Variants in PDZRN3 observed in about 807,000 individuals in gnomAD.
The protein encoded by PDZRN3 is E3 ubiquitin-protein ligase PDZRN3.
Under a neutral mutation model 85.7 loss-of-function variants are expected in PDZRN3, and 38 were observed. The observed-to-expected ratio is 0.44, with a 90% CI of 0.34 to 0.58. The LOEUF (loss-of-function observed/expected upper bound fraction) is 0.58. Among genes scored for constraint, PDZRN3 ranks in the 20% least tolerant of loss-of-function variants. The probability of loss-of-function intolerance (pLI) is 0.01; values close to 1 mark genes in which losing one functional copy is unlikely to be tolerated. For missense variants in PDZRN3, 1,629 were observed against 1,506.4 expected (o/e 1.08, Z -1.35); for synonymous variants, 759 against 638.0 (o/e 1.19, Z -2.86).
chr3:73,481,057 T>G (rs1009873552), intron 3 of PDZRN3, among the ~76,000 whole-genome samples: 3 of 152,326 alleles, frequency 2.0e-5, no homozygotes, highest in South Asian at 4.2e-4. Flanking sequence ...ACAGTCATGT[T>G]TAGTAAATGG....
chr3:73,495,089 G>A (rs992612095), intron 3 of PDZRN3, among the ~76,000 whole-genome samples: 3 of 152,040 alleles, frequency 2.0e-5, no homozygotes, highest in Non-Finnish European at 2.9e-5. Flanking sequence ...GTGGGTGACG[G>A]GATCAAGCAT....
chr3:73,598,550 G>C (rs796379622), intron 3 of PDZRN3, among the ~76,000 whole-genome samples: 3 of 152,234 alleles, frequency 2.0e-5, no homozygotes, highest in African/African-American at 7.2e-5. Flanking sequence ...ATGTGAGATG[G>C]AATAGGTATG....
At chr3:73,461,567 T>C (rs1703104248) in intron 3 of PDZRN3, among the ~76,000 whole-genome samples, 1 of 152,228 alleles carries the variant, frequency 6.6e-6, no homozygotes, top group Non-Finnish European at 1.5e-5. Flanking sequence ...CATCTCCCCA[T>C]CCTCACCCTA....
chr3:73,402,097 G>A (rs964429016), intron 4 of PDZRN3, among the ~76,000 whole-genome samples: 6 of 152,164 alleles, frequency 3.9e-5, no homozygotes, highest in Admixed American at 1.3e-4. Context: ...CCCGACACAC[G>A]CTCTTGCTGT....
intron 3 of PDZRN3, among the ~76,000 whole-genome samples, chr3:73,566,642 G>C (rs1203224585): frequency 6.6e-6 from 1 of 152,090 alleles, no homozygotes; most frequent in Non-Finnish European, 1.5e-5. Context: ...CTCAGAGAAA[G>C]TGCATAAATC....
intron 5 of PDZRN3, among the ~76,000 whole-genome samples, chr3:73,395,962 C>T (rs1559654635): frequency 6.6e-6 from 1 of 152,128 alleles, no homozygotes; most frequent in Non-Finnish European, 1.5e-5. Context: ...GTGGCTCATA[C>T]CTGTAATCCC....
In PDZRN3 at chr3:73,391,045, T is replaced by C. The variant is rs768477427; in HGVS notation, c.1326A>G (p.Glu442=). The change falls in exon 6 of 10, where the codon GAA becomes GAG. Residue 442 remains glutamate, a synonymous_variant. Coordinates refer to ENST00000263666, the MANE Select transcript of PDZRN3 (RefSeq NM_015009.3). The part of the protein sequence containing the change: ...GLTVCYRTDD[E]DDIGIYISEI... ...CACTGATATAAATCCCAATGTCGTC[T>C]TCATCGTCCGTCCGGTAGCACACAG... 2 of 1,613,574 alleles carry C rather than the reference T, an allele frequency of 1.2e-6. No homozygotes were observed. Among genetic ancestry groups the C allele is most frequent in the Non-Finnish European group, 1.7e-6 (2 of 1,179,514 alleles).
intron 3 of PDZRN3, among the ~76,000 whole-genome samples, chr3:73,573,949 G>A (rs1397340382): frequency 6.6e-6 from 1 of 152,134 alleles, no homozygotes; most frequent in African/African-American, 2.4e-5. Flanking sequence ...TCCCATTCAA[G>A]ATAAGCTGGC....
At chr3:73,605,296 A>G (rs1246188739) in intron 2 of PDZRN3, among the ~76,000 whole-genome samples, 1 of 152,204 alleles carries the variant, frequency 6.6e-6, no homozygotes, top group South Asian at 2.1e-4. Context: ...AGTTAGTTAC[A>G]GCTATTTATC....
chr3:73,547,044 C>A (rs1450626794), intron 3 of PDZRN3, among the ~76,000 whole-genome samples: 1 of 152,168 alleles, frequency 6.6e-6, no homozygotes, highest in African/African-American at 2.4e-5. Flanking sequence ...ATCAAGGAAA[C>A]AAGCCAGGAC....
chr3:73,518,511 T>C (rs1704293575), intron 3 of PDZRN3, among the ~76,000 whole-genome samples: 1 of 152,172 alleles, frequency 6.6e-6, no homozygotes, highest in African/African-American at 2.4e-5. Context: ...TTTTATGTTA[T>C]TTATATTTTA....
chr3:73,608,044 T>C (rs1193129795), intron 2 of PDZRN3, among the ~76,000 whole-genome samples: 1 of 152,178 alleles, frequency 6.6e-6, no homozygotes, highest in Non-Finnish European at 1.5e-5. Context: ...ATTTTCCCCA[T>C]AATTAAACTG....
intron 3 of PDZRN3, among the ~76,000 whole-genome samples, chr3:73,585,041 A>C (rs558466689): frequency 6.6e-6 from 1 of 152,204 alleles, no homozygotes; most frequent in African/African-American, 2.4e-5. Flanking sequence ...CTTTGAAGAG[A>C]TAACATTTCA....
chr3:73,527,315 AC>A lies in PDZRN3; in HGVS notation c.918+75038del, dbSNP rs746413612. 5.7e-4 allele frequency among the ~76,000 whole-genome samples: 87 copies of A among 152,320 alleles called. 1 individual carries two copies. Among genetic ancestry groups the A allele is most frequent in the African/African-American group, 2.1e-3 (86 of 41,572 alleles). On this transcript the variant is annotated intron_variant, in intron 3 of 9. Coordinates refer to ENST00000263666, the MANE Select transcript of PDZRN3 (RefSeq NM_015009.3). ...TTCCTATCCTCCGCATAGGATATGA[AC>A]CAGTAAATGGTTTTTAAGGCCACAA...
At chr3:73,387,756 G>A (rs1701428087) in intron 8 of PDZRN3, among the ~76,000 whole-genome samples, 1 of 151,908 alleles carries the variant, frequency 6.6e-6, no homozygotes, top group Non-Finnish European at 1.5e-5. Flanking sequence ...GAACGTCGTG[G>A]GCCTGCAGTA....
chr3:73,536,668 G>A (rs945395112), intron 3 of PDZRN3, among the ~76,000 whole-genome samples: 1 of 152,300 alleles, frequency 6.6e-6, no homozygotes, highest in South Asian at 2.1e-4. Context: ...AAGGCCATGT[G>A]TCTAGAATGC....
chr3:73,513,305 C>A (rs970943741), intron 3 of PDZRN3, among the ~76,000 whole-genome samples: 2 of 152,218 alleles, frequency 1.3e-5, no homozygotes, highest in African/African-American at 4.8e-5. Flanking sequence ...AAACTTCTTA[C>A]TCTGGTCTAA....
intron 3 of PDZRN3, among the ~76,000 whole-genome samples, chr3:73,467,975 G>T (rs1341908138): frequency 1.3e-5 from 2 of 152,084 alleles, no homozygotes; most frequent in Admixed American, 1.3e-4. Flanking sequence ...TCATTTATTG[G>T]ATAAAGAGTT....
chr3:73,576,673 T>C (rs1275492894), intron 3 of PDZRN3, among the ~76,000 whole-genome samples: 2 of 152,194 alleles, frequency 1.3e-5, no homozygotes. Flanking sequence ...ATCCAACTTT[T>C]GCCTTTTTCA....
Sources: allele counts gnomAD v4.1 joint callset (sites outside exome capture counted in the v4.1 genomes callset), GRCh38; gene constraint gnomAD v4.1.1; transcripts MANE v1.5; gene names NCBI Gene and HGNC (gene_info 2026-07-23, HGNC 2026-07-21).